The following MBTD1 variants were observed in gnomAD, a reference collection of about 807,000 sequenced individuals.
MBTD1 encodes the protein mbt domain containing 1, also known as MBT domain-containing protein 1.
MBTD1 carries 24 observed loss-of-function variants against 87.8 expected under a neutral mutation model. That is an observed-to-expected ratio of 0.27 (90% CI 0.20 to 0.38). The LOEUF is 0.38. Ranked by LOEUF, MBTD1 falls within the 10% of genes least tolerant of loss-of-function variation. MBTD1 has a pLI of 1.00. For missense variants in MBTD1, 436 were observed against 760.2 expected (o/e 0.57, Z 5.02); for synonymous variants, 237 against 248.6 (o/e 0.95, Z 0.44).
intron 2 of MBTD1, among the ~76,000 whole-genome samples, chr17:51,253,153 G>C (rs1281627137): frequency 6.6e-6 from 1 of 152,128 alleles, no homozygotes; most frequent in Non-Finnish European, 1.5e-5. Context: ...TATATTGAGA[G>C]ATTGATGATA....
chr17:51,184,010 G>A (rs1408872876), intron 16 of MBTD1: 1 of 152,192 alleles, frequency 6.6e-6, no homozygotes, highest in Non-Finnish European at 1.5e-5. Context: ...AGATTCTAAA[G>A]CATATCTTGA....
chr17:51,208,429 G>A (rs549239321), intron 6 of MBTD1, among the ~76,000 whole-genome samples: 24 of 152,266 alleles, frequency 1.6e-4, no homozygotes, highest in African/African-American at 5.8e-4. Context: ...GACTCTTCAG[G>A]TTCTGCTATC....
At position 51,259,906 on chromosome 17, in the gene MBTD1, CCTCCCCGGGCTGGGGGCAGGTGCCT is replaced by C. The variant is rs2055370198; in HGVS notation, c.-209_-185del. 1.6e-6 allele frequency: 2 copies of C among 1,231,392 alleles called. No homozygotes were observed. Among genetic ancestry groups the C allele is most frequent in the South Asian group, 4.1e-5 (1 of 24,346 alleles). The allele number at this position is 1,231,392 out of a possible 1,614,324, so 76.3% of individuals were successfully genotyped here. A position where few individuals can be genotyped will look rare whatever the true frequency, so the allele number is the denominator to read the frequency against. On this transcript the variant is annotated 5_prime_UTR_variant, in exon 1 of 17. Transcript: ENST00000586178. ...CGTGCTCCCCGAGCCCGCGGCGCCC[CCTCCCCGGGCTGGGGGCAGGTGCCT>C]CTCCCCGGGACTGCGGCGACTACAG...
intron 16 of MBTD1, chr17:51,191,437 T>C (rs1263588256): frequency 6.6e-6 from 1 of 150,874 alleles, no homozygotes; most frequent in African/African-American, 2.4e-5. Flanking sequence ...AATTTTTTAG[T>C]ATAGAAAGCA....
chr17:51,207,700 C>G (rs1051723870), intron 6 of MBTD1, among the ~76,000 whole-genome samples: 1 of 152,048 alleles, frequency 6.6e-6, no homozygotes, highest in South Asian at 2.1e-4. Context: ...GATGGGGACT[C>G]GGAAAATCAA....
chr17:51,182,147 C>T (rs1259206316), intron 16 of MBTD1, among the ~76,000 whole-genome samples: 1 of 142,048 alleles, frequency 7.0e-6, no homozygotes, highest in Admixed American at 7.1e-5. Context: ...TTTTTTGAGA[C>T]ATAGTCTCAC....
chr17:51,226,187 A>C (rs559843445), intron 2 of MBTD1, among the ~76,000 whole-genome samples: 16 of 149,684 alleles, frequency 1.1e-4, no homozygotes, highest in Non-Finnish European at 1.8e-4. Context: ...AAAAAACACA[A>C]AAAAACAAAA....
intron 3 of MBTD1, among the ~76,000 whole-genome samples, chr17:51,221,505 G>T (rs1314673920): frequency 6.6e-6 from 1 of 152,172 alleles, no homozygotes; most frequent in Admixed American, 6.5e-5. Context: ...GCAAATAACT[G>T]CCTTAGTGAG....
Position 51,178,852 on chromosome 17 carries a change from G to A in MBTD1, c.*1724C>T, listed in dbSNP as rs1217011241. 2 of 152,108 alleles carry A rather than the reference G, an allele frequency of 1.3e-5. No individual in the cohort carries two copies. Among genetic ancestry groups the A allele is most frequent in the Non-Finnish European group, 2.9e-5 (2 of 68,014 alleles). The allele number at this position is 152,108 out of a possible 1,614,324, so 9.4% of individuals were successfully genotyped here. On this transcript the variant is annotated 3_prime_UTR_variant, in exon 17 of 17. Coordinates refer to ENST00000586178, the MANE Select transcript of MBTD1 (RefSeq NM_017643.3). ...TCAGTATTAAGAAATGGTGACATGC[G>A]ATTCCATACATTCTTACACTATAAA...
At chr17:51,182,775 T>C (rs16949672) in intron 16 of MBTD1, among the ~76,000 whole-genome samples, 15,130 of 152,226 alleles carry the variant, frequency 0.099, 1,143 homozygotes, top group African/African-American at 0.2. Context: ...GGGTGTAAAT[T>C]GGAAACTGCT....
intron 2 of MBTD1, among the ~76,000 whole-genome samples, chr17:51,228,180 T>G (rs1377798371): frequency 6.6e-6 from 1 of 151,894 alleles, no homozygotes; most frequent in Non-Finnish European, 1.5e-5. Context: ...TGAGAACACA[T>G]GGACACATAG....
At chr17:51,192,717 T>TGA in intron 15 of MBTD1, 65 bp downstream of exon 15, 1 of 1,588,782 alleles carries the variant, frequency 6.3e-7, no homozygotes, top group South Asian at 1.1e-5. Flanking sequence ...ATGACTTATG[T>TGA]GAGATAGTCC....
At chr17:51,248,555 C>A (rs2054587176) in intron 2 of MBTD1, among the ~76,000 whole-genome samples, 1 of 152,190 alleles carries the variant, frequency 6.6e-6, no homozygotes, top group Admixed American at 6.5e-5. Context: ...TCTCCCCAGT[C>A]CTGAGTTCTA....
At chr17:51,217,947 G>A (rs1245592225) in intron 5 of MBTD1, among the ~76,000 whole-genome samples, 1 of 152,094 alleles carries the variant, frequency 6.6e-6, no homozygotes, top group Non-Finnish European at 1.5e-5. Context: ...AGGAAGTGAG[G>A]TACAAGCTCT....
At chr17:51,260,517 G>C (rs572222680), upstream of MBTD1, 2 of 1,484,272 alleles carry the variant, frequency 1.3e-6, no homozygotes, top group Non-Finnish European at 8.9e-7. Context: ...GCGGCGGCCC[G>C]CGAGGGGCCT....
intron 16 of MBTD1, among the ~76,000 whole-genome samples, chr17:51,191,015 G>A (rs2050781220): frequency 6.6e-6 from 1 of 151,712 alleles, no homozygotes; most frequent in Admixed American, 6.6e-5. Context: ...GCCAGGGAAG[G>A]TTAAGGCTGT....
intron 7 of MBTD1, among the ~76,000 whole-genome samples, chr17:51,204,789 C>T (rs1169418636): frequency 6.6e-6 from 1 of 152,216 alleles, no homozygotes; most frequent in Non-Finnish European, 1.5e-5. Flanking sequence ...GCATGAGCCA[C>T]TGTGCTTGGC....
Position 51,225,109 on chromosome 17 carries a change from G to C in MBTD1, c.53C>G (p.Ser18Cys). The C allele has an allele frequency of 6.4e-7, 1 of 1,551,524 alleles. No homozygotes were observed. Among genetic ancestry groups the C allele is most frequent in the Non-Finnish European group, 8.7e-7 (1 of 1,146,840 alleles). Residue 18 changes from serine to cysteine, a missense_variant, in exon 3 of 17, where the codon TCC becomes TGC. Transcript: ENST00000586178. Reference sequence around the variant, plus strand: ...AGCGACTTCTTCCTCACTCTCTTCGGAGCTGGAGCTGCTGCTTGTGTCCTC... The same window carrying C: ...AGCGACTTCTTCCTCACTCTCTTCGCAGCTGGAGCTGCTGCTTGTGTCCTC... ...CSEDTSSSSS[S>C]EESEEEVAPL...
At chr17:51,250,348 T>C (rs1218477586) in intron 2 of MBTD1, 2 of 152,238 alleles carry the variant, frequency 1.3e-5, no homozygotes, top group African/African-American at 2.4e-5. Flanking sequence ...GAAATACTTA[T>C]TGTCACAGTC....
Sources: gnomAD v4.1 joint callset for allele counts (sites outside exome capture counted in the v4.1 genomes callset) on GRCh38, gnomAD v4.1.1 for gene constraint, MANE v1.5 for transcripts, NCBI Gene and HGNC (gene_info 2026-07-23, HGNC 2026-07-21) for gene names.